PLXDC1: variants seen among roughly 807,000 people sequenced by gnomAD.
The protein encoded by PLXDC1 is plexin domain containing 1.
PLXDC1 carries 39 observed loss-of-function variants against 61.3 expected under a neutral mutation model. That is an observed-to-expected ratio of 0.64 (90% CI 0.49 to 0.83). The LOEUF (loss-of-function observed/expected upper bound fraction) is 0.83, where lower values mean the gene tolerates loss of function less well. Ranked by LOEUF, PLXDC1 falls within the 40% of genes least tolerant of loss-of-function variation. PLXDC1 has a pLI of 0.00. For synonymous variants in PLXDC1, 212 were observed against 254.5 expected, an observed-to-expected ratio of 0.83 and a Z score of 1.59; for missense variants, 596 against 666.5, an observed-to-expected ratio of 0.89 and a Z score of 1.17.
At chr17:39,109,018 A>G (rs1339591283) in intron 3 of PLXDC1, 45 bp from the exon 4 acceptor site, 38 of 1,484,722 alleles carry the variant, frequency 2.6e-5, no homozygotes, top group Non-Finnish European at 3.2e-5. Context: ...GCTGCAGGCC[A>G]GGGGCCTGGG....
intron 7 of PLXDC1, among the ~76,000 whole-genome samples, chr17:39,101,567 G>T (rs375157620): frequency 5.3e-5 from 8 of 152,148 alleles, no homozygotes; most frequent in African/African-American, 1.4e-4. Flanking sequence ...ACCAGCCAAC[G>T]GGCCCATGGA....
rs1486530309 is a variant in PLXDC1, at chr17:39,151,373, TG to T, written c.64del (p.Gln22SerfsTer42). The stretch of plus-strand genomic sequence containing the variant: ...CCCGCCAGTCCTACCTGCTCCGGGC[TG>T]GGGGCTCAGCGCCCGGGCAGCCTCC... ...LREAARALSP[Q>X]PGAGHDEGPG... On this transcript the variant is annotated frameshift_variant, in exon 1 of 14. Coordinates refer to ENST00000315392, the MANE Select transcript of PLXDC1 (RefSeq NM_020405.5). LOFTEE classifies it high-confidence loss of function. The surrounding 1 kb of genome is among the most constrained non-coding windows in gnomAD (Gnocchi z 5.2). The T allele has an allele frequency of 5.4e-6, 7 of 1,290,456 alleles. No individual in the cohort carries two copies. Among genetic ancestry groups the T allele is most frequent in the South Asian group, 4.8e-5 (2 of 41,990 alleles). 79.9% of individuals were successfully genotyped at this position (1,290,456 alleles called of 1,614,324 possible).
At chr17:39,082,590 G>C (rs1376274553) in intron 9 of PLXDC1, among the ~76,000 whole-genome samples, 1 of 150,988 alleles carries the variant, frequency 6.6e-6, no homozygotes. Flanking sequence ...CTGGAAAGGA[G>C]CATTGGAAAG....
intron 2 of PLXDC1, among the ~76,000 whole-genome samples, chr17:39,139,422 T>G (rs935698356): frequency 6.6e-6 from 1 of 152,220 alleles, no homozygotes; most frequent in Non-Finnish European, 1.5e-5. Context: ...ATTTGATGTC[T>G]CTGGGTCCAG....
At chr17:39,090,296 G>A (rs1325040253) in intron 7 of PLXDC1, among the ~76,000 whole-genome samples, 1 of 152,052 alleles carries the variant, frequency 6.6e-6, no homozygotes, top group Non-Finnish European at 1.5e-5. Flanking sequence ...CTCTGGCATT[G>A]GTGTCAATAA....
At chr17:39,128,409 G>A (rs1223088281) in intron 2 of PLXDC1, among the ~76,000 whole-genome samples, 3 of 150,882 alleles carry the variant, frequency 2.0e-5, no homozygotes, top group African/African-American at 7.3e-5. Context: ...TAGTAGAGAC[G>A]GGGTTTCATC....
chr17:39,122,505 G>A (rs1380426168), intron 2 of PLXDC1, among the ~76,000 whole-genome samples: 1 of 151,832 alleles, frequency 6.6e-6, no homozygotes, highest in Non-Finnish European at 1.5e-5. Context: ...TGTTTTAGAA[G>A]GCAGAGCCGC....
intron 11 of PLXDC1, among the ~76,000 whole-genome samples, chr17:39,075,280 C>A (rs1909282151): frequency 6.6e-6 from 1 of 152,184 alleles, no homozygotes; most frequent in South Asian, 2.1e-4. Flanking sequence ...TTCATTGAAT[C>A]CCCTGCAGCA....
chr17:39,087,610 G>T lies in PLXDC1; in HGVS notation c.904C>A (p.Pro302Thr). The T allele has an allele frequency of 1.2e-5, 20 of 1,612,548 alleles. No homozygotes were observed. The highest frequency in any genetic ancestry group is 1.7e-5 in the Non-Finnish European group (20 of 1,178,624). ...TGGCGGAATGACCCCTACTCACTCG[G>T]CAATGGGGTGAACTCCACGGCCGAC... is the stretch of plus-strand genomic sequence containing the variant. ...SMSAVEFTPL[P>T]TCLQHRSCDA... The change falls in exon 8 of 14, where the codon CCG (proline) becomes ACG (threonine). Residue 302 changes from proline to threonine, a missense_variant. Transcript: ENST00000315392.
chr17:39,131,209 C>A (rs1597657452), intron 2 of PLXDC1, among the ~76,000 whole-genome samples: 1 of 152,266 alleles, frequency 6.6e-6, no homozygotes, highest in South Asian at 2.1e-4. Context: ...GTATCCAGCC[C>A]AAGGCTATGC....
chr17:39,132,174 A>C (rs1911586507), intron 2 of PLXDC1: 1 of 152,578 alleles, frequency 6.6e-6, no homozygotes, highest in African/African-American at 2.4e-5. Flanking sequence ...TCTAAACCTG[A>C]ACCATGGAAC....
chr17:39,081,213 G>A (rs1181866605), intron 9 of PLXDC1: 1 of 152,634 alleles, frequency 6.6e-6, no homozygotes, highest in Non-Finnish European at 1.5e-5. Flanking sequence ...ACAGTCTGCA[G>A]ACTATTCTGC....
At position 39,063,344 on chromosome 17, in the gene PLXDC1, C is replaced by A; in HGVS notation, c.*4496G>T. The A allele has an allele frequency of 1.6e-6, 1 of 638,034 alleles. No individual in the cohort carries two copies. The highest frequency in any genetic ancestry group is 1.8e-5 in the South Asian group (1 of 55,622). The allele number at this position is 638,034 out of a possible 1,614,324, so 39.5% of individuals were successfully genotyped here. A position where few individuals can be genotyped will look rare whatever the true frequency, so the allele number is the denominator to read the frequency against. On this transcript the variant is annotated 3_prime_UTR_variant, in exon 14 of 14. Coordinates refer to ENST00000315392, the MANE Select transcript of PLXDC1 (RefSeq NM_020405.5). The stretch of plus-strand genomic sequence containing the variant: ...CTCAGATTTATTGTATGTCCTCAGA[C>A]AGTAGATAAAAATGCATGGGGTTTA...
chr17:39,130,020 A>G (rs964956213), intron 2 of PLXDC1, among the ~76,000 whole-genome samples: 2 of 152,256 alleles, frequency 1.3e-5, no homozygotes, highest in Non-Finnish European at 2.9e-5. Context: ...CACATATTAT[A>G]TGATTCCATT....
At chr17:39,098,198 T>C (rs1247702907) in intron 7 of PLXDC1, among the ~76,000 whole-genome samples, 6 of 78,946 alleles carry the variant, frequency 7.6e-5, no homozygotes, top group Admixed American at 1.8e-4. Flanking sequence ...AGAGTGAAAC[T>C]CCATCTCAAA....
intron 2 of PLXDC1, among the ~76,000 whole-genome samples, chr17:39,111,133 G>C (rs971209575): frequency 1.3e-5 from 2 of 151,836 alleles, no homozygotes; most frequent in East Asian, 1.9e-4. Context: ...GTGCATCCTT[G>C]TGTGCCCACC....
At chr17:39,109,139 C>T in intron 3 of PLXDC1, 109 bp downstream of exon 3, 2 of 1,435,204 alleles carry the variant, frequency 1.4e-6, no homozygotes, top group Non-Finnish European at 1.9e-6. Context: ...TGGAAGGTAC[C>T]TCCCAGGTCA....
At chr17:39,096,304 A>C (rs1468456300) in intron 7 of PLXDC1, among the ~76,000 whole-genome samples, 1 of 152,254 alleles carries the variant, frequency 6.6e-6, no homozygotes, top group African/African-American at 2.4e-5. Flanking sequence ...AGAAGAGGCC[A>C]GAAATGACTC....
rs546999533 is a variant in PLXDC1 at position 39,079,269 on chromosome 17, A to T, written c.990-105T>A. 15 of 958,488 alleles carry T rather than the reference A, an allele frequency of 1.6e-5. No individual in the cohort carries two copies. In the South Asian group the frequency reaches 2.0e-4, roughly 13 times the overall value. 59.4% of individuals were successfully genotyped at this position (958,488 alleles called of 1,614,324 possible). Reference sequence around the variant, plus strand: ...CTGCTGATAGTGAGAAGAGGAGCCAAGGTCCCCAGGCTGAGGTAGTCAGGC... The same window carrying T: ...CTGCTGATAGTGAGAAGAGGAGCCATGGTCCCCAGGCTGAGGTAGTCAGGC... On this transcript the variant is annotated intron_variant, in intron 9 of 13. Transcript: ENST00000315392.
Sources: allele counts gnomAD v4.1 joint callset (sites outside exome capture counted in the v4.1 genomes callset), GRCh38; gene constraint gnomAD v4.1.1; non-coding constraint Gnocchi (gnomAD v3.1); transcripts MANE v1.5; gene names NCBI Gene and HGNC (gene_info 2026-07-23, HGNC 2026-07-21).